Variants in SLC26A7 observed in about 807,000 individuals in gnomAD.
SLC26A7 encodes anion exchange transporter.
A neutral mutation model predicts 82.5 loss-of-function variants in SLC26A7; 59 were observed. That is an observed-to-expected ratio of 0.72 (90% CI 0.58 to 0.89). The LOEUF (loss-of-function observed/expected upper bound fraction) is 0.89, where lower values mean the gene tolerates loss of function less well. SLC26A7 is among the 40% of genes least tolerant of loss of function. SLC26A7 has a pLI of 0.00. For synonymous variants in SLC26A7, 271 were observed against 274.3 expected (o/e 0.99, Z 0.12); for missense variants, 820 against 793.0 (o/e 1.03, Z -0.41).
At chr8:91,358,627 G>A (rs909142457) in intron 11 of SLC26A7, among the ~76,000 whole-genome samples, 2 of 151,676 alleles carry the variant, frequency 1.3e-5, no homozygotes, top group African/African-American at 2.4e-5. Flanking sequence ...ACCGCACCTG[G>A]CCGCACACAT....
intron 11 of SLC26A7, among the ~76,000 whole-genome samples, chr8:91,356,470 T>A (rs1159827273): frequency 1.3e-4 from 20 of 152,236 alleles, no homozygotes; most frequent in African/African-American, 4.8e-4. Flanking sequence ...TGCATTTCTC[T>A]GATGGCCAGT....
At position 91,366,581 on chromosome 8, in the gene SLC26A7, A is replaced by G. The variant is rs1221738534; in HGVS notation, c.1490A>G (p.Glu497Gly). 1 of 1,610,570 alleles carries G rather than the reference A, an allele frequency of 6.2e-7. No individual in the cohort carries two copies. The highest frequency in any genetic ancestry group is 1.7e-5 in the Admixed American group (1 of 58,902). ...EFKVKTEMDS[E>G]TLQQVKIISI... ...GAATCTGTTTTTCTCCTCCAAAAGG[A>G]AACCCTGCAGCAGGTGAAAATTATC... is the stretch of plus-strand genomic sequence containing the variant. Residue 497 changes from glutamate to glycine, a missense_variant and splice_region_variant, in exon 14 of 19, where the codon GAA becomes GGA. By Grantham distance (98) the Glu-to-Gly change is moderately conservative. Coordinates refer to ENST00000276609, the MANE Select transcript of SLC26A7 (RefSeq NM_052832.4).
At chr8:91,366,124 G>T (rs1458391416) in intron 13 of SLC26A7, among the ~76,000 whole-genome samples, 1 of 152,144 alleles carries the variant, frequency 6.6e-6, no homozygotes, top group East Asian at 1.9e-4. Context: ...CACTTGTAAA[G>T]TTATATTTCA....
At chr8:91,352,853 G>A (rs774107435) in intron 10 of SLC26A7, 48 bp from the exon 11 acceptor site, 1 of 1,466,332 alleles carries the variant, frequency 6.8e-7, no homozygotes, top group Non-Finnish European at 9.4e-7. Context: ...TTAAATTTAA[G>A]TTAAAATTTT....
chr8:91,338,492 A>C (rs1241621571), intron 7 of SLC26A7, among the ~76,000 whole-genome samples: 4 of 152,152 alleles, frequency 2.6e-5, no homozygotes, highest in African/African-American at 9.7e-5. Context: ...ATATATTATT[A>C]ACAAAATAGA....
intron 16 of SLC26A7, among the ~76,000 whole-genome samples, chr8:91,391,525 T>A (rs1814968092): frequency 6.6e-6 from 1 of 152,238 alleles, no homozygotes; most frequent in Non-Finnish European, 1.5e-5. Context: ...GACTTAGGAT[T>A]CAACCTGAAT....
Position 91,301,392 on chromosome 8 carries a change from T to G in SLC26A7, c.477+5689T>G, listed in dbSNP as rs1812160727. Among the ~76,000 whole-genome samples, 2 of 152,196 alleles carry G rather than the reference T, an allele frequency of 1.3e-5. 1 individual carries two copies. The highest frequency in any genetic ancestry group is 1.3e-4 in the Admixed American group (2 of 15,278). On this transcript the variant is annotated intron_variant, in intron 4 of 18. Coordinates refer to ENST00000276609, the MANE Select transcript of SLC26A7 (RefSeq NM_052832.4). ...TTCTTGATGATCCTCTGCAGTTTCT[T>G]TTACAAAAATTGGTCAGTTTAAGCA...
Position 91,249,719 on chromosome 8 carries a change from A to G in SLC26A7, c.68A>G (p.Asp23Gly), listed in dbSNP as rs1181492648. Residue 23 changes from aspartate to glycine, a missense_variant, in exon 2 of 19, where the codon GAC (aspartate) becomes GGC (glycine). Transcript: ENST00000276609. ...WSKMHTPQCE[D>G]IIQWCRRRLP... Reference sequence around the variant, plus strand: ...AAGATGCATACCCCCCAGTGTGAAGACATTATACAGTGGTGTAGAAGGCGA... The same window carrying G: ...AAGATGCATACCCCCCAGTGTGAAGGCATTATACAGTGGTGTAGAAGGCGA... 6.2e-7 allele frequency: 1 copy of G among 1,606,004 alleles called. No homozygotes were observed. Among genetic ancestry groups the G allele is most frequent in the African/African-American group, 1.3e-5 (1 of 74,478 alleles).
chr8:91,285,890 TTCAGGTACATTACTCAATTTCTAAA>T (rs1811697953), intron 2 of SLC26A7, among the ~76,000 whole-genome samples: 1 of 152,238 alleles, frequency 6.6e-6, no homozygotes. Context: ...CAATTTCTAA[TTCAGGTACATTACTCAATTTCTAAA>T]CTCCATGTGT....
chr8:91,219,488 C>G (rs1010752519), intron 2 of SLC26A7, among the ~76,000 whole-genome samples: 1 of 152,022 alleles, frequency 6.6e-6, no homozygotes, highest in African/African-American at 2.4e-5. Flanking sequence ...TTTGATAACC[C>G]CTAATATCAC....
intron 10 of SLC26A7, 112 bp from the exon 11 acceptor site, chr8:91,352,789 G>T (rs1454686810): frequency 2.7e-6 from 2 of 730,346 alleles, no homozygotes; most frequent in African/African-American, 3.7e-5. Flanking sequence ...ATCGGTGATT[G>T]CTTTTCTCTA....
At chr8:91,394,935 T>C in intron 18 of SLC26A7, 127 bp from the exon 19 acceptor site, 1 of 1,118,242 alleles carries the variant, frequency 8.9e-7, no homozygotes, top group East Asian at 2.4e-5. Context: ...CTCTGATGCC[T>C]CATAAAAGGT....
chr8:91,241,973 A>G (rs1586314979), intron 2 of SLC26A7, among the ~76,000 whole-genome samples: 2 of 152,164 alleles, frequency 1.3e-5, no homozygotes, highest in South Asian at 4.1e-4. Context: ...TTTCCCCTAC[A>G]TGTCAAACAC....
chr8:91,390,048 C>T (rs1814912448), intron 16 of SLC26A7, among the ~76,000 whole-genome samples: 1 of 151,884 alleles, frequency 6.6e-6, no homozygotes, highest in African/African-American at 2.4e-5. Context: ...GGAAGAACAC[C>T]TAATTTTGCC....
chr8:91,384,561 C>T (rs775695159), intron 15 of SLC26A7, among the ~76,000 whole-genome samples: 13 of 152,144 alleles, frequency 8.5e-5, no homozygotes, highest in Non-Finnish European at 1.6e-4. Context: ...CACACAAGGT[C>T]TCCTTCATCT....
chr8:91,276,650 T>C (rs7834807), intron 2 of SLC26A7, among the ~76,000 whole-genome samples: 8,349 of 152,284 alleles, frequency 0.055, 269 homozygotes, highest in African/African-American at 0.067. Context: ...AGAAGCTATG[T>C]TGGGACTCTC....
intron 9 of SLC26A7, chr8:91,343,942 G>T (rs1217303117): frequency 3.1e-6 from 2 of 637,410 alleles, no homozygotes; most frequent in Non-Finnish European, 3.9e-6. Flanking sequence ...TATTTTTTAG[G>T]AACTCAAATC....
At chr8:91,345,114 T>G (rs2130847560) in intron 9 of SLC26A7, among the ~76,000 whole-genome samples, 1 of 152,032 alleles carries the variant, frequency 6.6e-6, no homozygotes, top group Non-Finnish European at 1.5e-5. Flanking sequence ...GCTATTTTTT[T>G]TTTTTCAAAT....
intron 13 of SLC26A7, among the ~76,000 whole-genome samples, chr8:91,366,183 C>G (rs1352729135): frequency 6.6e-6 from 1 of 151,956 alleles, no homozygotes; most frequent in Non-Finnish European, 1.5e-5. Context: ...ATGGTTGACC[C>G]TTTATAACAC....
Sources: allele counts gnomAD v4.1 joint callset (sites outside exome capture counted in the v4.1 genomes callset), GRCh38; gene constraint gnomAD v4.1.1; transcripts MANE v1.5; gene names NCBI Gene and HGNC (gene_info 2026-07-23, HGNC 2026-07-21).